IQSEC1: variants seen among roughly 807,000 people sequenced by gnomAD.
The protein encoded by IQSEC1 is IQ motif and Sec7 domain ArfGEF 1.
In IQSEC1, 31 loss-of-function variants were observed where a neutral mutation model predicts 91.0. The observed-to-expected ratio is 0.34, with a 90% CI of 0.26 to 0.46. The LOEUF (loss-of-function observed/expected upper bound fraction) is 0.46. Ranked by LOEUF, IQSEC1 falls within the 20% of genes least tolerant of loss-of-function variation. IQSEC1 has a pLI of 1.00. For synonymous variants in IQSEC1, 699 were observed against 662.6 expected (o/e 1.05, Z -0.84); for missense variants, 1,388 against 1,575.6 (o/e 0.88, Z 2.02).
At chr3:13,006,661 C>T (rs571987184) in intron 1 of IQSEC1, among the ~76,000 whole-genome samples, 2 of 152,250 alleles carry the variant, frequency 1.3e-5, no homozygotes, top group Non-Finnish European at 2.9e-5. Context: ...CTGAAACACA[C>T]GCGCACACAG....
intron 1 of IQSEC1, among the ~76,000 whole-genome samples, chr3:13,007,751 A>G (rs144649980): frequency 1.1e-3 from 163 of 152,304 alleles, no homozygotes; most frequent in Non-Finnish European, 1.5e-3. Context: ...GGGTCTGCCT[A>G]TCTCTGCGGT....
Position 12,911,493 on chromosome 3 carries a change from A to G in IQSEC1, c.2416+136T>C, listed in dbSNP as rs2125091315. The G allele has an allele frequency of 8.7e-6, 6 of 686,864 alleles. No homozygotes were observed. In the East Asian group the frequency reaches 1.0e-4, roughly 12 times the overall value. 42.5% of individuals were successfully genotyped at this position (686,864 alleles called of 1,614,324 possible). On this transcript the variant is annotated intron_variant, in intron 10 of 13. Transcript: ENST00000613206. The stretch of plus-strand genomic sequence containing the variant: ...GTGCCTACAGCTCACCGGAGCTCCT[A>G]GCTGCAATCTGCTCTCTGGGGATAA...
intron 1 of IQSEC1, among the ~76,000 whole-genome samples, chr3:13,275,172 G>A (rs924781870): frequency 1.3e-5 from 2 of 152,238 alleles, no homozygotes; most frequent in Non-Finnish European, 2.9e-5. Context: ...GAGACATGGA[G>A]AAGAATGTGC....
intron 2 of IQSEC1, among the ~76,000 whole-genome samples, chr3:13,130,197 A>G (rs1706587334): frequency 6.6e-6 from 1 of 151,690 alleles, no homozygotes; most frequent in South Asian, 2.1e-4. Flanking sequence ...TACAAAAATT[A>G]GCCAGGTGTG....
At chr3:13,053,320 C>A (rs1704759962) in intron 1 of IQSEC1, among the ~76,000 whole-genome samples, 1 of 152,188 alleles carries the variant, frequency 6.6e-6, no homozygotes, top group Non-Finnish European at 1.5e-5. Context: ...TAATGCAGAA[C>A]CAGTGAATCC....
At chr3:13,053,202 C>A (rs760030293) in intron 1 of IQSEC1, 2 of 687,466 alleles carry the variant, frequency 2.9e-6, no homozygotes, top group Non-Finnish European at 5.3e-6. Context: ...AACCTTGTTT[C>A]CCTGTTGGGG....
chr3:13,144,903 ACT>A (rs1706862972), intron 2 of IQSEC1, among the ~76,000 whole-genome samples: 2 of 152,108 alleles, frequency 1.3e-5, no homozygotes, highest in Admixed American at 1.3e-4. Context: ...ATGGCGAGAG[ACT>A]CTGGCCATGG....
At chr3:12,921,737 A>G (rs533404997) in intron 5 of IQSEC1, among the ~76,000 whole-genome samples, 2 of 152,354 alleles carry the variant, frequency 1.3e-5, no homozygotes, top group Admixed American at 1.3e-4. Context: ...GAATGAGCAA[A>G]TGAATGACTA....
chr3:13,013,096 G>A (rs1333616727), intron 1 of IQSEC1, among the ~76,000 whole-genome samples: 2 of 146,890 alleles, frequency 1.4e-5, no homozygotes, highest in Non-Finnish European at 3.0e-5. Flanking sequence ...AAGTAGCTGG[G>A]ATTACCGGCA....
intron 1 of IQSEC1, among the ~76,000 whole-genome samples, chr3:13,256,149 T>G (rs534125982): frequency 6.6e-6 from 1 of 152,166 alleles, no homozygotes; most frequent in Non-Finnish European, 1.5e-5. Context: ...ATAATGTATG[T>G]GATATCATAG....
At chr3:13,170,087 G>A (rs114995197) in intron 1 of IQSEC1, among the ~76,000 whole-genome samples, 2,974 of 152,328 alleles carry the variant, frequency 0.02, 52 homozygotes, top group Middle Eastern at 0.048. Flanking sequence ...GAAACAAATG[G>A]TTTTGTGGGC....
intron 2 of IQSEC1, among the ~76,000 whole-genome samples, chr3:13,093,669 G>A (rs532668735): frequency 3.4e-4 from 52 of 152,310 alleles, no homozygotes; most frequent in African/African-American, 1.2e-3. Context: ...GGGGACACAA[G>A]ACGCATGCAG....
Position 13,176,255 on chromosome 3 carries a change from A to C in IQSEC1, c.273-12122T>G, listed in dbSNP as rs1176059610. On this transcript the variant is annotated intron_variant, in intron 1 of 15. Transcript: ENST00000648114. ...TAGCCCCCACCCTGAACTTGCCTCA[A>C]CCTCAGGAGAGACTCAGCCAGAACA... Among the ~76,000 whole-genome samples, 3 of 152,186 alleles carry C rather than the reference A, an allele frequency of 2.0e-5. No homozygotes were observed. The East Asian group carries it at 5.8e-4, about 29-fold the overall frequency.
intron 1 of IQSEC1, among the ~76,000 whole-genome samples, chr3:13,276,252 C>A (rs1460192769): frequency 2.0e-5 from 3 of 151,854 alleles, no homozygotes. Flanking sequence ...CTGCGCCAGG[C>A]TAATTTTTTG....
intron 1 of IQSEC1, 54 bp downstream of exon 1, chr3:13,072,938 A>G (rs2125117229): frequency 2.0e-6 from 3 of 1,487,466 alleles, no homozygotes; most frequent in African/African-American, 1.4e-5. Context: ...CTCCCAGCTC[A>G]GCCGGGCCCC....
chr3:13,203,288 G>C (rs1278341521), intron 1 of IQSEC1, among the ~76,000 whole-genome samples: 1 of 152,182 alleles, frequency 6.6e-6, no homozygotes, highest in African/African-American at 2.4e-5. Flanking sequence ...CCCTGCAGCT[G>C]AGGCGTAGCA....
chr3:13,015,406 A>C lies in IQSEC1; in HGVS notation c.23+57586T>G, dbSNP rs1351568277. Among the ~76,000 whole-genome samples the C allele has an allele frequency of 2.6e-5, 4 of 152,176 alleles. No individual in the cohort carries two copies. In the East Asian group the frequency reaches 7.7e-4, roughly 29 times the overall value. ...CTGGGCCCAGGGCGAGCCTGTGTGCATTCCAGGCAGTGAGAAACGGGTCAC... is the reference window on the plus strand; with the variant it reads ...CTGGGCCCAGGGCGAGCCTGTGTGCCTTCCAGGCAGTGAGAAACGGGTCAC... On this transcript the variant is annotated intron_variant, in intron 1 of 13. Transcript: ENST00000613206.
chr3:12,932,132 CCT>C (rs1697731331), intron 3 of IQSEC1, among the ~76,000 whole-genome samples: 1 of 152,170 alleles, frequency 6.6e-6, no homozygotes, highest in Non-Finnish European at 1.5e-5. Context: ...GGCATGTACC[CCT>C]GACGGTGTGT....
At chr3:13,021,445 C>T (rs985705313) in intron 1 of IQSEC1, among the ~76,000 whole-genome samples, 12 of 152,230 alleles carry the variant, frequency 7.9e-5, no homozygotes, top group African/African-American at 2.2e-4. Context: ...GGCACCGCAC[C>T]GGGCCCTGAT....
Sources: allele counts gnomAD v4.1 joint callset (sites outside exome capture counted in the v4.1 genomes callset), GRCh38; gene constraint gnomAD v4.1.1; transcripts MANE v1.5; gene names NCBI Gene and HGNC (gene_info 2026-07-23, HGNC 2026-07-21).